The following NTM variants were observed in gnomAD, a reference collection of about 807,000 sequenced individuals.
NTM encodes neurotrimin.
NTM carries 13 observed loss-of-function variants against 42.1 expected under a neutral mutation model. The observed-to-expected ratio is 0.31, with a 90% confidence interval of 0.20 to 0.49. NTM has a LOEUF of 0.49. Among genes scored for constraint, NTM ranks in the 20% least tolerant of loss-of-function variants. The pLI, the probability that NTM is intolerant of heterozygous loss-of-function variation, is 0.99. For missense variants in NTM, 373 were observed against 452.8 expected (o/e 0.82, Z 1.60); for synonymous variants, 187 against 179.2 (o/e 1.04, Z -0.35).
At position 131,951,749 on chromosome 11, in the gene NTM, G is replaced by A. The variant is rs182329649; in HGVS notation, c.167+40101G>A. 5.0e-3 allele frequency among the ~76,000 whole-genome samples: 756 copies of A among 151,092 alleles called. 7 individuals carry two copies. Among genetic ancestry groups the A allele is most frequent in the African/African-American group, 0.017 (695 of 41,044 alleles). On this transcript the variant is annotated intron_variant, in intron 2 of 8. Coordinates refer to ENST00000683400, the MANE Select transcript of NTM (RefSeq NM_001352005.2). ...AGGCAGGAGAAATGCTTGAAACTGG[G>A]AGGCACAGGTTGCAGTGAGCTGAGA...
chr11:131,508,779 G>A (rs4992038), intron 1 of NTM, among the ~76,000 whole-genome samples: 70,690 of 127,576 alleles, frequency 0.55, 14,714 homozygotes, highest in Non-Finnish European at 0.58. Flanking sequence ...GTAAACTATC[G>A]CAAGAACAAA....
chr11:132,242,920 A>C (rs1430791807), intron 4 of NTM, among the ~76,000 whole-genome samples: 1 of 152,182 alleles, frequency 6.6e-6, no homozygotes, highest in African/African-American at 2.4e-5. Context: ...CTGGTGTGGC[A>C]GGGAGGAGAG....
rs544987060 is a variant in NTM at position 131,635,783 on chromosome 11, C to A, written c.82+264895C>A. Among the ~76,000 whole-genome samples the A allele has an allele frequency of 3.3e-5, 5 of 152,258 alleles. No homozygotes were observed. The South Asian group carries it at 1.0e-3, about 32-fold the overall frequency. ...TCCCTCGCCTCTTCTCACTGACTCA[C>A]CCAGAGGAACTTCCAGTCCTGCAAA... On this transcript the variant is annotated intron_variant, in intron 1 of 8. Transcript: ENST00000683400.
At chr11:131,479,625 A>C (rs1168177699) in intron 1 of NTM, among the ~76,000 whole-genome samples, 1 of 152,216 alleles carries the variant, frequency 6.6e-6, no homozygotes. Flanking sequence ...GCAATTTTCC[A>C]GGAAAAGAAT....
At chr11:131,744,796 C>A (rs1242198681) in intron 1 of NTM, among the ~76,000 whole-genome samples, 1 of 152,124 alleles carries the variant, frequency 6.6e-6, no homozygotes, top group Non-Finnish European at 1.5e-5. Context: ...CTCTCCTTAG[C>A]CCCAAAGATG....
chr11:131,426,081 A>T (rs1054944611), intron 1 of NTM, among the ~76,000 whole-genome samples: 1 of 152,102 alleles, frequency 6.6e-6, no homozygotes, highest in African/African-American at 2.4e-5. Flanking sequence ...CCACTTTGGG[A>T]GGCATCACTG....
At chr11:131,897,893 T>G (rs1051322801) in intron 1 of NTM, among the ~76,000 whole-genome samples, 1 of 152,238 alleles carries the variant, frequency 6.6e-6, no homozygotes, top group Non-Finnish European at 1.5e-5. Context: ...TCAATTTCCA[T>G]GTAATTATGC....
At chr11:131,895,148 A>G (rs2052053022) in intron 1 of NTM, among the ~76,000 whole-genome samples, 1 of 152,240 alleles carries the variant, frequency 6.6e-6, no homozygotes, top group Non-Finnish European at 1.5e-5. Context: ...AAGAGTTGCC[A>G]TCATCACTGA....
intron 1 of NTM, among the ~76,000 whole-genome samples, chr11:131,515,115 A>G (rs1403617825): frequency 6.6e-6 from 1 of 151,916 alleles, no homozygotes; most frequent in Admixed American, 6.6e-5. Context: ...AGGTCTCCCT[A>G]TGTTGCCCTG....
intron 1 of NTM, among the ~76,000 whole-genome samples, chr11:131,465,678 C>T (rs1565530304): frequency 6.6e-6 from 1 of 152,210 alleles, no homozygotes; most frequent in Non-Finnish European, 1.5e-5. Context: ...TTGAATTCCA[C>T]AGCGAACAGT....
intron 2 of NTM, among the ~76,000 whole-genome samples, chr11:132,077,905 A>G (rs1453049015): frequency 6.6e-6 from 1 of 152,210 alleles, no homozygotes; most frequent in East Asian, 1.9e-4. Context: ...CTATCCAACA[A>G]AAAACTTTTG....
chr11:131,731,864 G>T (rs991381102), intron 1 of NTM, among the ~76,000 whole-genome samples: 1 of 152,172 alleles, frequency 6.6e-6, no homozygotes, highest in Admixed American at 6.5e-5. Flanking sequence ...GCTGGTTATT[G>T]TTGGCATCTG....
chr11:131,517,722 C>T lies in NTM; in HGVS notation c.82+146834C>T, dbSNP rs1454451103. On this transcript the variant is annotated intron_variant, in intron 1 of 8. Coordinates refer to ENST00000683400, the MANE Select transcript of NTM (RefSeq NM_001352005.2). ...CAGCATGGTCTTTGAAGAGACTTTA[C>T]AAGATTCCTGTACCTGTATTGACCT... is the stretch of plus-strand genomic sequence containing the variant. Among the ~76,000 whole-genome samples the T allele has an allele frequency of 2.6e-5, 4 of 152,252 alleles. No homozygotes were observed. The East Asian group carries it at 7.7e-4, about 29-fold the overall frequency.
chr11:131,401,799 AATATATATATATAT>A (rs61167647), intron 1 of NTM, among the ~76,000 whole-genome samples: 442 of 34,984 alleles, frequency 0.013, 25 homozygotes, highest in South Asian at 0.031. Context: ...GGCCACTGGA[AATATATATATATAT>A]ATATATATAT....
chr11:132,037,131 G>T (rs1593984184), intron 2 of NTM, among the ~76,000 whole-genome samples: 1 of 152,240 alleles, frequency 6.6e-6, no homozygotes, highest in East Asian at 1.9e-4. Context: ...AAGGTGTTTG[G>T]ACCACCGGGA....
At chr11:131,535,244 G>A (rs1414419644) in intron 1 of NTM, 1 of 152,202 alleles carries the variant, frequency 6.6e-6, no homozygotes, top group Non-Finnish European at 1.5e-5. Context: ...AGTGGAGGCA[G>A]GGGAACAAGG....
chr11:131,838,180 G>C (rs966179121), intron 1 of NTM, among the ~76,000 whole-genome samples: 8 of 152,082 alleles, frequency 5.3e-5, no homozygotes, highest in Non-Finnish European at 1.5e-5. Flanking sequence ...CAGCATCACG[G>C]ATGCAGGGGG....
At chr11:131,846,428 T>C (rs899111023) in intron 1 of NTM, among the ~76,000 whole-genome samples, 6 of 152,178 alleles carry the variant, frequency 3.9e-5, no homozygotes, top group Non-Finnish European at 7.3e-5. Flanking sequence ...TGTTGATCTT[T>C]TCTAATGACT....
chr11:131,903,214 C>T (rs568568216), intron 1 of NTM, among the ~76,000 whole-genome samples: 19 of 152,154 alleles, frequency 1.2e-4, no homozygotes, highest in Non-Finnish European at 1.9e-4. Flanking sequence ...TCTTCTAACC[C>T]GGATATTCCA....
Sources: allele counts gnomAD v4.1 joint callset (sites outside exome capture counted in the v4.1 genomes callset), GRCh38; gene constraint gnomAD v4.1.1; transcripts MANE v1.5; gene names NCBI Gene and HGNC (gene_info 2026-07-23, HGNC 2026-07-21).